The following COL24A1 variants were observed in gnomAD, a reference collection of about 807,000 sequenced individuals.
The protein encoded by COL24A1 is collagen type XXIV alpha 1 chain, also known as collagen alpha-1(XXIV) chain.
In COL24A1, 224 loss-of-function variants were observed where a neutral mutation model predicts 253.9. That is an observed-to-expected ratio of 0.88 (90% CI 0.79 to 0.99). COL24A1 has a LOEUF of 0.99. COL24A1 is among the 50% of genes least tolerant of loss of function. COL24A1 has a pLI of 0.00. For synonymous variants in COL24A1, 685 were observed against 673.7 expected (o/e 1.02, Z -0.26); for missense variants, 2,131 against 2,068.5 (o/e 1.03, Z -0.59).
intron 45 of COL24A1, 32 bp downstream of exon 45, chr1:85,823,504 A>G: frequency 6.2e-7 from 1 of 1,604,690 alleles, no homozygotes; most frequent in African/African-American, 1.3e-5. Context: ...CTAACAATAC[A>G]TCTCAAATTG....
intron 7 of COL24A1, among the ~76,000 whole-genome samples, chr1:86,072,173 C>T (rs1384648049): frequency 6.6e-6 from 1 of 152,164 alleles, no homozygotes; most frequent in East Asian, 1.9e-4. Context: ...GTTCACTCCC[C>T]TGGAAAGGAG....
chr1:86,022,222 G>A lies in COL24A1; in HGVS notation c.2256+18C>T, dbSNP rs1418482065. 1.9e-6 allele frequency: 3 copies of A among 1,610,952 alleles called. No homozygotes were observed. Among genetic ancestry groups the A allele is most frequent in the Non-Finnish European group, 2.5e-6 (3 of 1,177,220 alleles). On this transcript the variant is annotated intron_variant, in intron 18 of 59. Transcript: ENST00000370571. ...CACTCTGTCAATTACAAAGAGCAAA[G>A]CAAAAGTTCAAACCTACTGAAGGCC...
chr1:85,818,199 T>C (rs1673247349), intron 45 of COL24A1, 112 bp from the exon 46 acceptor site: 2 of 723,742 alleles, frequency 2.8e-6, no homozygotes, highest in Non-Finnish European at 4.8e-6. Context: ...CACGAACTAG[T>C]TGTATATCAT....
chr1:86,051,359 G>C (rs72960324), intron 10 of COL24A1, among the ~76,000 whole-genome samples: 13 of 152,102 alleles, frequency 8.5e-5, no homozygotes, highest in Non-Finnish European at 7.4e-5. Context: ...ATGACAAATA[G>C]ACAATGGGAA....
At chr1:86,148,403 G>A (rs1325316296) in intron 1 of COL24A1, among the ~76,000 whole-genome samples, 1 of 151,930 alleles carries the variant, frequency 6.6e-6, no homozygotes, top group Non-Finnish European at 1.5e-5. Flanking sequence ...CAATGTGCAG[G>A]TTAGTTACAT....
chr1:85,888,743 T>G (rs918952815), intron 32 of COL24A1, among the ~76,000 whole-genome samples: 8 of 152,098 alleles, frequency 5.3e-5, no homozygotes, highest in African/African-American at 1.9e-4. Flanking sequence ...ATATCACAGA[T>G]TAAGTATATA....
Position 85,996,447 on chromosome 1 carries a change from G to C in COL24A1, c.2311-8793C>G, listed in dbSNP as rs113455991. On this transcript the variant is annotated intron_variant, in intron 19 of 59. Coordinates refer to ENST00000370571, the MANE Select transcript of COL24A1 (RefSeq NM_152890.7). ...TCCTAGCACTTTGGGAGGCCGAGGC[G>C]GGTGGATCACCTGAGGTCAGGAGTT... is the stretch of plus-strand genomic sequence containing the variant. Among the ~76,000 whole-genome samples, 412 of 103,368 alleles carry C rather than the reference G, an allele frequency of 4.0e-3. 2 individuals are homozygous for C. Among genetic ancestry groups the C allele is most frequent in the South Asian group, 0.03 (84 of 2,770 alleles). The allele number at this position is 103,368 out of a possible 152,430, so 67.8% of individuals were successfully genotyped here.
At chr1:85,988,119 C>T (rs1693895955) in intron 19 of COL24A1, among the ~76,000 whole-genome samples, 1 of 151,242 alleles carries the variant, frequency 6.6e-6, no homozygotes, top group Admixed American at 6.6e-5. Context: ...AAAACAGCAC[C>T]CAAAATTATG....
intron 24 of COL24A1, among the ~76,000 whole-genome samples, chr1:85,944,531 C>T (rs1034287470): frequency 1.3e-5 from 2 of 152,044 alleles, no homozygotes; most frequent in Non-Finnish European, 2.9e-5. Flanking sequence ...GAGATCATAG[C>T]CGAAATCCCT....
chr1:86,084,110 A>C (rs148517060), intron 7 of COL24A1, among the ~76,000 whole-genome samples: 4 of 152,298 alleles, frequency 2.6e-5, no homozygotes, highest in African/African-American at 9.6e-5. Context: ...GTTTGACCAA[A>C]ATAACCAGAG....
intron 7 of COL24A1, among the ~76,000 whole-genome samples, chr1:86,071,739 GA>G (rs1403625633): frequency 6.6e-6 from 1 of 152,118 alleles, no homozygotes; most frequent in African/African-American, 2.4e-5. Context: ...GATAAATAAA[GA>G]AAACATTACT....
At chr1:85,956,718 A>G (rs1690501400) in intron 24 of COL24A1, among the ~76,000 whole-genome samples, 2 of 152,210 alleles carry the variant, frequency 1.3e-5, no homozygotes, top group South Asian at 4.1e-4. Flanking sequence ...ATAAAATATG[A>G]GACCAGAAAA....
chr1:85,951,667 A>C (rs760232374), intron 24 of COL24A1, among the ~76,000 whole-genome samples: 4 of 152,178 alleles, frequency 2.6e-5, no homozygotes, highest in Admixed American at 2.6e-4. Flanking sequence ...TCCCCCTTAT[A>C]ATCTACTATG....
intron 10 of COL24A1, among the ~76,000 whole-genome samples, chr1:86,056,005 C>A (rs541226461): frequency 1.8e-4 from 27 of 151,864 alleles, no homozygotes; most frequent in African/African-American, 6.5e-4. Context: ...GTAGTCCCAG[C>A]TACTCAGGAG....
chr1:85,834,795 C>G (rs1001181528), intron 43 of COL24A1, among the ~76,000 whole-genome samples: 2 of 152,018 alleles, frequency 1.3e-5, no homozygotes, highest in African/African-American at 2.4e-5. Flanking sequence ...ACATTTATTC[C>G]CTCCATGTCC....
chr1:85,765,983 T>C (rs1667325274), intron 53 of COL24A1, among the ~76,000 whole-genome samples: 1 of 152,118 alleles, frequency 6.6e-6, no homozygotes, highest in African/African-American at 2.4e-5. Flanking sequence ...CACAACAGTT[T>C]TGAAGTAGAG....
Position 86,112,487 on chromosome 1 carries a change from A to ATCT in COL24A1, c.1599+79_1599+80insAGA. On this transcript the variant is annotated intron_variant, in intron 5 of 59. Coordinates refer to ENST00000370571, the MANE Select transcript of COL24A1 (RefSeq NM_152890.7). ...CTTGATGTATCAAGACTTGCCTTAA[A>ATCT]TGTTAGGGATCTTCTTTTTAATATC... The ATCT allele has an allele frequency of 2.4e-6, 3 of 1,258,226 alleles. No individual in the cohort carries two copies. In the East Asian group the frequency reaches 7.1e-5, roughly 30 times the overall value. The allele number at this position is 1,258,226 out of a possible 1,614,324, so 77.9% of individuals were successfully genotyped here.
intron 37 of COL24A1, among the ~76,000 whole-genome samples, chr1:85,855,136 A>G (rs1198924099): frequency 6.6e-6 from 1 of 152,178 alleles, no homozygotes; most frequent in Non-Finnish European, 1.5e-5. Flanking sequence ...GCCTTTGAAC[A>G]GAGACTATAG....
chr1:85,759,033 T>C (rs2101075974), intron 55 of COL24A1, among the ~76,000 whole-genome samples: 1 of 152,192 alleles, frequency 6.6e-6, no homozygotes, highest in African/African-American at 2.4e-5. Context: ...AAAATAATCC[T>C]GAATGAGACT....
Sources: allele counts gnomAD v4.1 joint callset (sites outside exome capture counted in the v4.1 genomes callset), GRCh38; gene constraint gnomAD v4.1.1; transcripts MANE v1.5; gene names NCBI Gene and HGNC (gene_info 2026-07-23, HGNC 2026-07-21).